Variants in WNT5A observed in about 807,000 individuals in gnomAD.
The protein encoded by WNT5A is protein Wnt-5a.
A neutral mutation model predicts 42.1 loss-of-function variants in WNT5A; 9 were observed. That is an observed-to-expected ratio of 0.21 (90% CI 0.13 to 0.37). The LOEUF (loss-of-function observed/expected upper bound fraction) is 0.37. Ranked by LOEUF, WNT5A falls within the 10% of genes least tolerant of loss-of-function variation. WNT5A has a pLI of 1.00. For missense variants in WNT5A, 426 were observed against 534.0 expected (o/e 0.80, Z 1.99); for synonymous variants, 210 against 210.0 (o/e 1.00, Z 0.00).
Position 55,487,090 on chromosome 3 carries a change from G to A in WNT5A, c.-105C>T. Reference sequence around the variant, plus strand: ...AAGCCTGGGGGGACGGTCAGGAGCAGGGCTGCGGAGTCCTCCGGCGCGCGT... The same window carrying A: ...AAGCCTGGGGGGACGGTCAGGAGCAAGGCTGCGGAGTCCTCCGGCGCGCGT... On this transcript the variant is annotated 5_prime_UTR_variant, in exon 1 of 5. Coordinates refer to ENST00000264634, the MANE Select transcript of WNT5A (RefSeq NM_003392.7). The A allele has an allele frequency of 2.1e-6, 2 of 974,654 alleles. No homozygotes were observed. Among genetic ancestry groups the A allele is most frequent in the Admixed American group, 2.3e-5 (1 of 43,132 alleles). 60.4% of individuals were successfully genotyped at this position (974,654 alleles called of 1,614,324 possible). A position where few individuals can be genotyped will look rare whatever the true frequency, so the allele number is the denominator to read the frequency against.
Position 55,467,638 on chromosome 3 carries a change from G to T in WNT5A, c.*2454C>A, listed in dbSNP as rs569536036. On this transcript the variant is annotated 3_prime_UTR_variant, in exon 5 of 5. Transcript: ENST00000264634. Reference sequence around the variant, plus strand: ...ATCTTCCATTTGGCATAAGCCTTTCGATGTTTGTTTTTTAAACCAGTGAAA... The same window carrying T: ...ATCTTCCATTTGGCATAAGCCTTTCTATGTTTGTTTTTTAAACCAGTGAAA... 2.6e-5 allele frequency: 4 copies of T among 152,606 alleles called. No homozygotes were observed. The highest frequency in any genetic ancestry group is 5.9e-5 in the Non-Finnish European group (4 of 67,984). The allele number at this position is 152,606 out of a possible 1,614,324, so 9.5% of individuals were successfully genotyped here. A position where few individuals can be genotyped will look rare whatever the true frequency, so the allele number is the denominator to read the frequency against.
intron 4 of WNT5A, among the ~76,000 whole-genome samples, chr3:55,472,928 T>G (rs984061806): frequency 6.6e-6 from 1 of 152,184 alleles, no homozygotes; most frequent in Non-Finnish European, 1.5e-5. Flanking sequence ...CAATTTCACA[T>G]GGTTCAACCT....
chr3:55,478,288 G>A lies in WNT5A; in HGVS notation c.391+1026C>T, dbSNP rs148287517. 6.4e-4 allele frequency among the ~76,000 whole-genome samples: 97 copies of A among 151,966 alleles called. 1 individual carries two copies. In the South Asian group the frequency reaches 6.7e-3, roughly 10 times the overall value. On this transcript the variant is annotated intron_variant, in intron 3 of 4. Coordinates refer to ENST00000264634, the MANE Select transcript of WNT5A (RefSeq NM_003392.7). Reference sequence around the variant, plus strand: ...CTGACAACTCTTTTTTGTTCTCAATGAATGTAATTTTCGGGGTTTTTTTTT... The same window carrying A: ...CTGACAACTCTTTTTTGTTCTCAATAAATGTAATTTTCGGGGTTTTTTTTT...
chr3:55,482,423 C>T (rs1318928116), intron 1 of WNT5A, among the ~76,000 whole-genome samples: 1 of 152,174 alleles, frequency 6.6e-6, no homozygotes. Flanking sequence ...CTGAAGGAGC[C>T]CCTTCCACAG....
chr3:55,497,529 C>T, the WNT5A span: 1 of 152,368 alleles, frequency 6.6e-6, no homozygotes, highest in South Asian at 2.1e-4. Flanking sequence ...TGTTTACAAT[C>T]CCCACTACCC....
rs182140022 is a variant in WNT5A, at chr3:55,471,800, G to A, written c.685-1250C>T. Among the ~76,000 whole-genome samples the A allele has an allele frequency of 1.1e-4, 16 of 152,304 alleles. No individual in the cohort carries two copies. The East Asian group carries it at 3.1e-3, about 29-fold the overall frequency. On this transcript the variant is annotated intron_variant, in intron 4 of 4. Transcript: ENST00000264634. ...GCCAGTGACCCTCCAGAGTCCACGT[G>A]GTGTGAGTGTGCTGGAGAAGACCTG...
Position 55,469,979 on chromosome 3 carries a change from T to A in WNT5A, c.*113A>T. ...TAACAGGAAAAAAAATGGTTCCGGT[T>A]GCAATTCTTGGGGAAAAATAAAAAA... On this transcript the variant is annotated 3_prime_UTR_variant, in exon 5 of 5. Transcript: ENST00000264634. 7.7e-7 allele frequency: 1 copy of A among 1,299,664 alleles called. No homozygotes were observed. Among genetic ancestry groups the A allele is most frequent in the Non-Finnish European group, 1.1e-6 (1 of 924,548 alleles). 80.5% of individuals were successfully genotyped at this position (1,299,664 alleles called of 1,614,324 possible).
chr3:55,473,122 T>C (rs1200002067), intron 4 of WNT5A, among the ~76,000 whole-genome samples: 1 of 152,364 alleles, frequency 6.6e-6, no homozygotes, highest in Non-Finnish European at 1.5e-5. Context: ...CTGTGATGCA[T>C]GAATTCAATA....
upstream of WNT5A, among the ~76,000 whole-genome samples, chr3:55,491,035 G>A (rs542242943): frequency 6.6e-6 from 1 of 152,284 alleles, no homozygotes; most frequent in East Asian, 1.9e-4. Flanking sequence ...TTTCATGGCT[G>A]GAACCCCAGT....
intron 1 of WNT5A, among the ~76,000 whole-genome samples, chr3:55,482,268 C>T (rs2051480844): frequency 6.6e-6 from 1 of 152,200 alleles, no homozygotes; most frequent in Non-Finnish European, 1.5e-5. Flanking sequence ...TTGGAAGCTT[C>T]CGCTGCCGTT....
chr3:55,484,685 TACACACACACACAC>T (rs67013864), intron 1 of WNT5A, among the ~76,000 whole-genome samples: 10,365 of 137,924 alleles, frequency 0.075, 626 homozygotes, highest in African/African-American at 0.16. Context: ...GGCCCCAGGA[TACACACACACACAC>T]ACACACACAC....
Position 55,483,587 on chromosome 3 carries a change from G to A in WNT5A, c.7-2669C>T, listed in dbSNP as rs2051511562. Among the ~76,000 whole-genome samples the A allele has an allele frequency of 6.6e-6, 1 of 152,132 alleles. No homozygotes were observed. Among genetic ancestry groups the A allele is most frequent in the African/African-American group, 2.4e-5 (1 of 41,436 alleles). ...GGCTAAATGTTTTCCAACACTTTCGGGGCTCAGGGAAGATGACTCTGTAAG... is the reference window on the plus strand; with the variant it reads ...GGCTAAATGTTTTCCAACACTTTCGAGGCTCAGGGAAGATGACTCTGTAAG... On this transcript the variant is annotated intron_variant, in intron 1 of 4. Transcript: ENST00000264634. This position sits in a 1 kb window ranked among gnomAD's most constrained non-coding sequence, Gnocchi z 4.2.
At chr3:55,493,578 T>C (rs1238905142), upstream of WNT5A, among the ~76,000 whole-genome samples, 1 of 152,194 alleles carries the variant, frequency 6.6e-6, no homozygotes, top group African/African-American at 2.4e-5. Context: ...CAAGACCTGG[T>C]TGGCCTTGTT....
rs909723514 is a variant in WNT5A at position 55,466,386 on chromosome 3, G to A, written c.*3706C>T. 2.2e-4 allele frequency: 33 copies of A among 152,236 alleles called. No individual in the cohort carries two copies. The highest frequency in any genetic ancestry group is 7.9e-4 in the African/African-American group (33 of 41,546). 9.4% of individuals were successfully genotyped at this position (152,236 alleles called of 1,614,324 possible). A position where few individuals can be genotyped will look rare whatever the true frequency, so the allele number is the denominator to read the frequency against. On this transcript the variant is annotated 3_prime_UTR_variant, in exon 5 of 5. Transcript: ENST00000264634. The stretch of plus-strand genomic sequence containing the variant: ...AGCTAGTACCGGTCTCTTATTCAGA[G>A]TATTTACTCTGCTATAGCGTCATAT...
At position 55,468,105 on chromosome 3, in the gene WNT5A, T is replaced by A. The variant is rs976018024; in HGVS notation, c.*1987A>T. 1 of 149,936 alleles carries A rather than the reference T, an allele frequency of 6.7e-6. No individual in the cohort carries two copies. Among genetic ancestry groups the A allele is most frequent in the Non-Finnish European group, 1.5e-5 (1 of 67,766 alleles). 9.3% of individuals were successfully genotyped at this position (149,936 alleles called of 1,614,324 possible). ...ACGTAAGTCTGAGATAAGAACATATTTGATGGCACTGTTTGGAAAGAGGTG... is the reference window on the plus strand; with the variant it reads ...ACGTAAGTCTGAGATAAGAACATATATGATGGCACTGTTTGGAAAGAGGTG... On this transcript the variant is annotated 3_prime_UTR_variant, in exon 5 of 5. Transcript: ENST00000264634.
Position 55,470,088 on chromosome 3 carries a change from C to A in WNT5A, c.*4G>T. The A allele has an allele frequency of 6.2e-7, 1 of 1,614,014 alleles. No homozygotes were observed. The highest frequency in any genetic ancestry group is 8.5e-7 in the Non-Finnish European group (1 of 1,179,916). On this transcript the variant is annotated 3_prime_UTR_variant, in exon 5 of 5. Coordinates refer to ENST00000264634, the MANE Select transcript of WNT5A (RefSeq NM_003392.7). ...GAGCGGGGCTGAGTGCTGGGTGGCA[C>A]CCACTACTTGCACACAAACTGGTCC...
At position 55,469,663 on chromosome 3, in the gene WNT5A, A is replaced by G. The variant is rs966668585; in HGVS notation, c.*429T>C. 1 of 156,406 alleles carries G rather than the reference A, an allele frequency of 6.4e-6. No individual in the cohort carries two copies. Among genetic ancestry groups the G allele is most frequent in the Non-Finnish European group, 1.4e-5 (1 of 70,752 alleles). The allele number at this position is 156,406 out of a possible 1,614,324, so 9.7% of individuals were successfully genotyped here. ...ATTTACAACTCATTTTGGTCATAGA[A>G]GCTGAATTGTGAATAGATTTCTACC... On this transcript the variant is annotated 3_prime_UTR_variant, in exon 5 of 5. Transcript: ENST00000264634.
chr3:55,473,022 A>G (rs1392737180), intron 4 of WNT5A, among the ~76,000 whole-genome samples: 1 of 152,138 alleles, frequency 6.6e-6, no homozygotes, highest in Non-Finnish European at 1.5e-5. Context: ...AAATGGGAAA[A>G]CTGAGGCTCA....
chr3:55,485,535 T>C (rs1347085935), intron 1 of WNT5A, among the ~76,000 whole-genome samples: 2 of 151,740 alleles, frequency 1.3e-5, no homozygotes, highest in Admixed American at 1.3e-4. Flanking sequence ...ATCCACACAC[T>C]CGGACACACA....
Sources: allele counts gnomAD v4.1 joint callset (sites outside exome capture counted in the v4.1 genomes callset), GRCh38; gene constraint gnomAD v4.1.1; non-coding constraint Gnocchi (gnomAD v3.1); transcripts MANE v1.5; gene names NCBI Gene and HGNC (gene_info 2026-07-23, HGNC 2026-07-21).